MAGI1: variants seen among roughly 807,000 people sequenced by gnomAD.
MAGI1 encodes the protein membrane-associated guanylate kinase, WW and PDZ domain-containing protein 1.
A neutral mutation model predicts 139.9 loss-of-function variants in MAGI1; 58 were observed. The observed-to-expected ratio is 0.41, with a 90% CI of 0.34 to 0.52. The LOEUF is 0.52. Ranked by LOEUF, MAGI1 falls within the 20% of genes least tolerant of loss-of-function variation. MAGI1 has a pLI of 0.12. For synonymous variants in MAGI1, 812 were observed against 737.9 expected, an observed-to-expected ratio of 1.10 and a Z score of -1.63; for missense variants, 1,874 against 1,901.6, an observed-to-expected ratio of 0.99 and a Z score of 0.27.
chr3:65,447,109 T>A (rs1011754736), intron 7 of MAGI1, among the ~76,000 whole-genome samples: 1 of 152,214 alleles, frequency 6.6e-6, no homozygotes. Flanking sequence ...CTCATACTGA[T>A]GTTAAACAAT....
At chr3:66,033,487 G>A (rs1468029815) in intron 1 of MAGI1, among the ~76,000 whole-genome samples, 1 of 152,012 alleles carries the variant, frequency 6.6e-6, no homozygotes, top group Non-Finnish European at 1.5e-5. Flanking sequence ...GGTCACTGAG[G>A]AGAAAGAAGC....
intron 1 of MAGI1, among the ~76,000 whole-genome samples, chr3:65,926,366 T>TCTCTCC (rs1553731255): frequency 4.0e-5 from 6 of 149,990 alleles, no homozygotes; most frequent in Non-Finnish European, 8.9e-5. Context: ...TCTCTCTCTC[T>TCTCTCC]CTCCCTCTTT....
At chr3:65,748,758 A>G (rs2035902296) in intron 1 of MAGI1, among the ~76,000 whole-genome samples, 1 of 152,220 alleles carries the variant, frequency 6.6e-6, no homozygotes. Flanking sequence ...AAAGAAGGAC[A>G]TGAGAGGCAT....
intron 1 of MAGI1, among the ~76,000 whole-genome samples, chr3:65,809,992 C>T (rs1435202731): frequency 2.0e-5 from 3 of 151,112 alleles, no homozygotes; most frequent in East Asian, 3.9e-4. Context: ...TCTCTCTCTC[C>T]CTCTCTCTCA....
In MAGI1 at chr3:65,954,645, A is replaced by G. The variant is rs566286374; in HGVS notation, c.313+83351T>C. On this transcript the variant is annotated intron_variant, in intron 1 of 22. Coordinates refer to ENST00000402939, the MANE Select transcript of MAGI1 (RefSeq NM_001033057.2). Reference sequence around the variant, plus strand: ...TCAGGCGGCACGGCGGGGAAATGGCAGTGCTGCGACAGAGGACCTCGACTC... The same window carrying G: ...TCAGGCGGCACGGCGGGGAAATGGCGGTGCTGCGACAGAGGACCTCGACTC... The G allele has an allele frequency of 2.0e-5, 3 of 152,372 alleles. 1 individual carries two copies. The South Asian group carries it at 6.2e-4, about 32-fold the overall frequency. 9.4% of individuals were successfully genotyped at this position (152,372 alleles called of 1,614,324 possible).
In MAGI1 at chr3:65,356,990, C is replaced by T. The variant is rs768031873; in HGVS notation, c.3777G>A (p.Lys1259=). The change falls in exon 23 of 23, where the codon AAG becomes AAA. Residue 1259 remains lysine (K), a synonymous_variant. Transcript: ENST00000402939. The part of the protein sequence containing the change: ...DLHKSSPHGE[K]RAHARDPKGS... The stretch of plus-strand genomic sequence containing the variant: ...CTTTCGGATCCCTTGCGTGTGCCCG[C>T]TTTTCCCCATGTGGTGATGATTTGT... 6.2e-7 allele frequency: 1 copy of T among 1,614,208 alleles called. No individual in the cohort carries two copies. Among genetic ancestry groups the T allele is most frequent in the Admixed American group, 1.7e-5 (1 of 60,030 alleles).
chr3:65,844,505 C>T (rs1024385127), intron 1 of MAGI1: 8 of 268,812 alleles, frequency 3.0e-5, no homozygotes, highest in Non-Finnish European at 5.0e-5. Context: ...ACACTACAAG[C>T]TATGTCCTCT....
intron 1 of MAGI1, among the ~76,000 whole-genome samples, chr3:65,658,473 G>A (rs760964305): frequency 6.6e-6 from 1 of 152,166 alleles, no homozygotes; most frequent in Non-Finnish European, 1.5e-5. Context: ...CCAGTTACTG[G>A]TAACCAAATT....
At chr3:65,429,197 A>C (rs541739748) in intron 12 of MAGI1, among the ~76,000 whole-genome samples, 95 of 152,236 alleles carry the variant, frequency 6.2e-4, no homozygotes, top group African/African-American at 1.9e-3. Context: ...GCCTGGGCTC[A>C]AGTGATCTTC....
At chr3:65,688,618 C>T (rs766647868) in intron 1 of MAGI1, 7 of 247,020 alleles carry the variant, frequency 2.8e-5, no homozygotes, top group Non-Finnish European at 4.8e-5. Flanking sequence ...ACAGAAGTGT[C>T]ATTCCACTGG....
intron 3 of MAGI1, among the ~76,000 whole-genome samples, chr3:65,482,276 G>A (rs1001068006): frequency 2.0e-5 from 3 of 152,188 alleles, no homozygotes; most frequent in Admixed American, 6.5e-5. Flanking sequence ...AAAATGAGAC[G>A]GTCTGCCTTT....
At chr3:65,579,558 C>G (rs556226879) in intron 2 of MAGI1, among the ~76,000 whole-genome samples, 113 of 152,274 alleles carry the variant, frequency 7.4e-4, no homozygotes, top group African/African-American at 2.7e-3. Context: ...AAAGAACTCT[C>G]TCACTGGCCG....
At chr3:65,772,787 C>T (rs1274182318) in intron 1 of MAGI1, among the ~76,000 whole-genome samples, 2 of 152,168 alleles carry the variant, frequency 1.3e-5, no homozygotes, top group Admixed American at 6.5e-5. Flanking sequence ...CCTGGTTTTA[C>T]GACCCAGTTC....
intron 2 of MAGI1, among the ~76,000 whole-genome samples, chr3:65,591,005 T>C (rs1407436389): frequency 1.3e-5 from 2 of 152,206 alleles, no homozygotes; most frequent in East Asian, 1.9e-4. Context: ...GTGATGCCAC[T>C]CTCAGGAGTT....
chr3:65,852,193 G>T (rs77700841), intron 1 of MAGI1, among the ~76,000 whole-genome samples: 4 of 152,036 alleles, frequency 2.6e-5, no homozygotes, highest in African/African-American at 9.7e-5. Flanking sequence ...CCTATCATAA[G>T]GAAGAAATCC....
intron 13 of MAGI1, among the ~76,000 whole-genome samples, chr3:65,400,743 A>C (rs1944803894): frequency 6.9e-6 from 1 of 144,434 alleles, no homozygotes. Flanking sequence ...AGGACAGCAA[A>C]ACATTGATTT....
At chr3:65,628,709 C>T (rs1247367285) in intron 1 of MAGI1, among the ~76,000 whole-genome samples, 1 of 152,136 alleles carries the variant, frequency 6.6e-6, no homozygotes, top group African/African-American at 2.4e-5. Context: ...CAGCCAAGGG[C>T]CACCTTAGCA....
At chr3:66,033,570 T>C (rs1410685343) in intron 1 of MAGI1, among the ~76,000 whole-genome samples, 2 of 152,174 alleles carry the variant, frequency 1.3e-5, no homozygotes, top group Non-Finnish European at 2.9e-5. Flanking sequence ...AGAGTTATTG[T>C]CATACATTCC....
intron 10 of MAGI1, among the ~76,000 whole-genome samples, chr3:65,432,779 A>C (rs1279698645): frequency 6.6e-6 from 1 of 152,050 alleles, no homozygotes; most frequent in African/African-American, 2.4e-5. Context: ...TAGGGGGAGG[A>C]GGGTGACTGG....
Sources: allele counts gnomAD v4.1 joint callset (sites outside exome capture counted in the v4.1 genomes callset), GRCh38; gene constraint gnomAD v4.1.1; transcripts MANE v1.5; gene names NCBI Gene and HGNC (gene_info 2026-07-23, HGNC 2026-07-21).